The following MACROD1 variants were observed in gnomAD, a reference collection of about 807,000 sequenced individuals.
The protein encoded by MACROD1 is ADP-ribose glycohydrolase MACROD1.
In MACROD1, 31 loss-of-function variants were observed where a neutral mutation model predicts 41.4. The observed-to-expected ratio is 0.75, with a 90% CI of 0.56 to 1.01. The LOEUF (loss-of-function observed/expected upper bound fraction) is 1.01, where lower values mean the gene tolerates loss of function less well. Among genes scored for constraint, MACROD1 ranks in the 50% least tolerant of loss-of-function variants. MACROD1 has a pLI of 0.00. For synonymous variants in MACROD1, 252 were observed against 203.4 expected, an observed-to-expected ratio of 1.24 and a Z score of -2.03; for missense variants, 473 against 460.0, an observed-to-expected ratio of 1.03 and a Z score of -0.26.
At chr11:64,156,472 T>C (rs781758613) in intron 1 of MACROD1, among the ~76,000 whole-genome samples, 2 of 152,070 alleles carry the variant, frequency 1.3e-5, no homozygotes, top group African/African-American at 2.4e-5. Context: ...CTTGCTGAAG[T>C]GTCTCTGGCT....
intron 3 of MACROD1, chr11:64,117,636 G>T (rs763054143): frequency 1.2e-6 from 2 of 1,613,760 alleles, no homozygotes; most frequent in Non-Finnish European, 8.5e-7. Flanking sequence ...CACGTGGAAG[G>T]CCACGCTCCC....
chr11:64,109,069 G>A (rs577659446), intron 3 of MACROD1, among the ~76,000 whole-genome samples: 6 of 152,226 alleles, frequency 3.9e-5, no homozygotes, highest in South Asian at 2.1e-4. Context: ...TCCTCTCCCC[G>A]CCTGGCCCTG....
chr11:64,072,682 G>A (rs1944132055), intron 3 of MACROD1, among the ~76,000 whole-genome samples: 1 of 152,154 alleles, frequency 6.6e-6, no homozygotes, highest in Admixed American at 6.5e-5. Flanking sequence ...CCCATGCCCT[G>A]GTTATAGGGC....
At chr11:64,047,235 T>A (rs1268939444) in intron 3 of MACROD1, among the ~76,000 whole-genome samples, 2 of 151,958 alleles carry the variant, frequency 1.3e-5, no homozygotes, top group East Asian at 3.9e-4. Context: ...GTGGAACCAG[T>A]CAGATTCCTC....
At chr11:64,058,679 C>T (rs117153959) in intron 3 of MACROD1, among the ~76,000 whole-genome samples, 4,011 of 152,368 alleles carry the variant, frequency 0.026, 85 homozygotes, top group Middle Eastern at 0.085. Context: ...CGCTCCACGC[C>T]GGCTGCAACC....
intron 3 of MACROD1, among the ~76,000 whole-genome samples, chr11:64,030,214 T>C (rs1023033367): frequency 7.1e-6 from 1 of 140,362 alleles, no homozygotes; most frequent in Non-Finnish European, 1.6e-5. Context: ...CACTCCCCAG[T>C]AGCTGGATGT....
intron 3 of MACROD1, among the ~76,000 whole-genome samples, chr11:64,042,297 C>A (rs1590828294): frequency 2.0e-5 from 3 of 152,320 alleles, no homozygotes; most frequent in African/African-American, 7.2e-5. Context: ...CCTCTGGAAG[C>A]TGCCACGAGG....
At chr11:64,018,249 C>T (rs546828771) in intron 3 of MACROD1, among the ~76,000 whole-genome samples, 1 of 152,270 alleles carries the variant, frequency 6.6e-6, no homozygotes, top group Non-Finnish European at 1.5e-5. Flanking sequence ...TCTACTGTGC[C>T]CCCTTCTCTA....
chr11:64,003,698 C>T (rs543873608), intron 4 of MACROD1, among the ~76,000 whole-genome samples: 69 of 152,344 alleles, frequency 4.5e-4, no homozygotes, highest in African/African-American at 1.6e-3. Flanking sequence ...AAAACTTGCC[C>T]ACACGGCTGG....
chr11:64,078,355 G>T (rs756027176), intron 3 of MACROD1, among the ~76,000 whole-genome samples: 1 of 152,210 alleles, frequency 6.6e-6, no homozygotes, highest in African/African-American at 2.4e-5. Context: ...TCCCTGGCCC[G>T]TCTGCGTTCA....
At chr11:64,156,767 C>T (rs1226632508) in intron 1 of MACROD1, among the ~76,000 whole-genome samples, 1 of 152,168 alleles carries the variant, frequency 6.6e-6, no homozygotes, top group East Asian at 1.9e-4. Context: ...GGCTCTGCCA[C>T]CAGCTGGCTG....
At position 64,013,982 on chromosome 11, in the gene MACROD1, C is replaced by T. The variant is rs565534037; in HGVS notation, c.547+1270G>A. Among the ~76,000 whole-genome samples the T allele has an allele frequency of 2.4e-4, 36 of 152,190 alleles. No homozygotes were observed. In the South Asian group the frequency reaches 6.5e-3, roughly 27 times the overall value. On this transcript the variant is annotated intron_variant, in intron 4 of 10. Coordinates refer to ENST00000255681, the MANE Select transcript of MACROD1 (RefSeq NM_014067.4). ...CTCATCAAGCTCCTATGGTGCCACT[C>T]CCACCCCCACCCCCACACCACAGAT...
intron 3 of MACROD1, among the ~76,000 whole-genome samples, chr11:64,041,640 TGGTGTGGTGGCAGTGGAG>T (rs1217877620): frequency 4.6e-5 from 7 of 151,762 alleles, no homozygotes; most frequent in African/African-American, 1.7e-4. Flanking sequence ...CCTCGGGAGC[TGGTGTGGTGGCAGTGGAG>T]GGTCCAGCCT....
At chr11:64,074,812 G>A (rs1330805232) in intron 3 of MACROD1, among the ~76,000 whole-genome samples, 1 of 152,228 alleles carries the variant, frequency 6.6e-6, no homozygotes, top group Non-Finnish European at 1.5e-5. Flanking sequence ...CAGTTCCTGG[G>A]GCTTGGGGTG....
intron 3 of MACROD1, among the ~76,000 whole-genome samples, chr11:64,111,637 T>C (rs1188526249): frequency 2.6e-5 from 4 of 152,164 alleles, no homozygotes; most frequent in African/African-American, 9.7e-5. Context: ...CGGCAACCTC[T>C]GCACCCTTGC....
At chr11:64,086,939 T>C (rs1944406361) in intron 3 of MACROD1, 1 of 152,146 alleles carries the variant, frequency 6.6e-6, no homozygotes, top group Non-Finnish European at 1.5e-5. Context: ...CTCTCCTTGA[T>C]GGCGGGGTAT....
chr11:64,118,433 G>A lies in MACROD1; in HGVS notation c.517+32806C>T, dbSNP rs149522186. 361 of 1,082,386 alleles carry A rather than the reference G, an allele frequency of 3.3e-4. No individual in the cohort carries two copies. The African/African-American group carries it at 5.1e-3, about 15-fold the overall frequency. The allele number at this position is 1,082,386 out of a possible 1,614,324, so 67.0% of individuals were successfully genotyped here. On this transcript the variant is annotated intron_variant, in intron 3 of 10. Coordinates refer to ENST00000255681, the MANE Select transcript of MACROD1 (RefSeq NM_014067.4). ...TTCCTCCGCAGAAAGCAAAGTTTGG[G>A]GAGGGCTGACGATTTTGTAGAACAC...
intron 3 of MACROD1, among the ~76,000 whole-genome samples, chr11:64,032,793 C>G (rs904156093): frequency 6.6e-6 from 1 of 152,166 alleles, no homozygotes; most frequent in Non-Finnish European, 1.5e-5. Context: ...CTTTCTGACT[C>G]TCAGAGCCCA....
intron 3 of MACROD1, among the ~76,000 whole-genome samples, chr11:64,073,496 G>A (rs916164516): frequency 5.3e-5 from 8 of 152,244 alleles, no homozygotes; most frequent in Non-Finnish European, 7.3e-5. Flanking sequence ...GAGGTTGGTG[G>A]AAGGATTAGC....
Sources: allele counts gnomAD v4.1 joint callset (sites outside exome capture counted in the v4.1 genomes callset), GRCh38; gene constraint gnomAD v4.1.1; transcripts MANE v1.5; gene names NCBI Gene and HGNC (gene_info 2026-07-23, HGNC 2026-07-21).